Variants in MAP4K4 observed in about 807,000 individuals in gnomAD.
MAP4K4 encodes the protein HPK/GCK-like kinase HGK.
In MAP4K4, 38 loss-of-function variants were observed where a neutral mutation model predicts 189.6. The ratio of observed to expected loss-of-function variants is 0.20; its 90% CI spans 0.15 to 0.26. The LOEUF is 0.26. MAP4K4 is among the 10% of genes least tolerant of loss of function. The pLI, the probability that MAP4K4 is intolerant of heterozygous loss-of-function variation, is 1.00. For missense variants in MAP4K4, 1,054 were observed against 1,726.9 expected, an observed-to-expected ratio of 0.61 and a Z score of 6.91; for synonymous variants, 610 against 624.3, an observed-to-expected ratio of 0.98 and a Z score of 0.34.
At chr2:101,868,000 G>A (rs771918479) in intron 20 of MAP4K4, 29 bp from the exon 21 acceptor site, 11 of 1,612,686 alleles carry the variant, frequency 6.8e-6, no homozygotes, top group African/African-American at 1.3e-5. Context: ...ATGGCTTCTC[G>A]GACTCCACGA....
exon 33 of MAP4K4, chr2:101,893,882 A>G (rs2098598405): frequency 6.6e-6 from 1 of 152,260 alleles, no homozygotes; most frequent in African/African-American, 2.4e-5. Flanking sequence ...GGTGAACTGA[A>G]TTGAATCCAT....
At chr2:101,781,498 G>A (rs1335699384) in intron 2 of MAP4K4, among the ~76,000 whole-genome samples, 2 of 152,274 alleles carry the variant, frequency 1.3e-5, no homozygotes, top group Non-Finnish European at 2.9e-5. Context: ...TCTGGTGAAG[G>A]CCTTTTTGCT....
intron 2 of MAP4K4, among the ~76,000 whole-genome samples, chr2:101,786,028 G>GT (rs1345692112): frequency 2.0e-5 from 3 of 152,062 alleles, no homozygotes; most frequent in Non-Finnish European, 4.4e-5. Context: ...GTTTCACCAT[G>GT]TTGGCCAGGC....
chr2:101,869,824 G>A (rs1333088265), intron 22 of MAP4K4, 27 bp downstream of exon 22: 11 of 1,497,540 alleles, frequency 7.3e-6, no homozygotes, highest in Non-Finnish European at 9.8e-6. Flanking sequence ...TTTTAGAGCG[G>A]ATGAGAGTAT....
At chr2:101,750,152 A>G (rs1298615599) in intron 2 of MAP4K4, among the ~76,000 whole-genome samples, 13 of 149,558 alleles carry the variant, frequency 8.7e-5, no homozygotes, top group Non-Finnish European at 3.0e-5. Flanking sequence ...CAGCCATCCC[A>G]TTACTGGGTA....
chr2:101,744,471 A>G (rs959396261), intron 2 of MAP4K4, among the ~76,000 whole-genome samples: 1 of 152,118 alleles, frequency 6.6e-6, no homozygotes, highest in Non-Finnish European at 1.5e-5. Flanking sequence ...TGCTCTTTTT[A>G]CTACTTAATG....
chr2:101,872,414 G>A (rs1307961330), intron 24 of MAP4K4, among the ~76,000 whole-genome samples: 2 of 152,134 alleles, frequency 1.3e-5, no homozygotes, highest in Non-Finnish European at 2.9e-5. Flanking sequence ...GCTCGGTCTG[G>A]GTGTTAGCTC....
intron 2 of MAP4K4, among the ~76,000 whole-genome samples, chr2:101,713,612 A>T (rs924990156): frequency 2.7e-5 from 3 of 109,868 alleles, no homozygotes; most frequent in Non-Finnish European, 3.8e-5. Flanking sequence ...AAAAAAAAAA[A>T]TGCTGGGTGC....
intron 2 of MAP4K4, among the ~76,000 whole-genome samples, chr2:101,753,518 T>TGG (rs1170931027): frequency 6.6e-6 from 1 of 152,218 alleles, no homozygotes; most frequent in African/African-American, 2.4e-5. Context: ...GGTTCTGGAC[T>TGG]CTGAAAAATC....
At chr2:101,720,162 C>A (rs1180295532) in intron 2 of MAP4K4, among the ~76,000 whole-genome samples, 1 of 148,208 alleles carries the variant, frequency 6.7e-6, no homozygotes, top group Non-Finnish European at 1.5e-5. Context: ...TTTTTTGGGG[C>A]AGTGGTGGGT....
intron 2 of MAP4K4, among the ~76,000 whole-genome samples, chr2:101,747,284 A>G (rs1455189827): frequency 2.0e-5 from 3 of 151,828 alleles, no homozygotes; most frequent in African/African-American, 7.3e-5. Flanking sequence ...AGGCCCGGCT[A>G]ATTTTTGTAT....
intron 2 of MAP4K4, among the ~76,000 whole-genome samples, chr2:101,710,268 A>G (rs1207682960): frequency 2.6e-5 from 4 of 152,236 alleles, no homozygotes; most frequent in Admixed American, 2.6e-4. Context: ...TTCTAGGGCC[A>G]TTCCAGTTTG....
At chr2:101,747,086 C>A (rs2066001651) in intron 2 of MAP4K4, among the ~76,000 whole-genome samples, 2 of 152,192 alleles carry the variant, frequency 1.3e-5, no homozygotes, top group South Asian at 4.1e-4. Context: ...AGGGCTTCTC[C>A]TGTGACTGCT....
chr2:101,805,139 A>C (rs1348412653), intron 3 of MAP4K4, among the ~76,000 whole-genome samples: 4 of 151,962 alleles, frequency 2.6e-5, no homozygotes, highest in African/African-American at 9.7e-5. Flanking sequence ...GCATGCATAC[A>C]GAAAAGTACA....
rs192862421 is a variant in MAP4K4, at chr2:101,798,646, G to A, written c.180+7870G>A. Among the ~76,000 whole-genome samples the A allele has an allele frequency of 2.7e-3, 409 of 152,226 alleles. 3 individuals are homozygous for A. Among genetic ancestry groups the A allele is most frequent in the African/African-American group, 9.4e-3 (390 of 41,532 alleles). On this transcript the variant is annotated intron_variant, in intron 3 of 32. Transcript: ENST00000324219. Reference sequence around the variant, plus strand: ...GTATAGCAGTGGTATTCTGTATTTGGGTTTTAAAGTAGTGGTACCTAACAA... The same window carrying A: ...GTATAGCAGTGGTATTCTGTATTTGAGTTTTAAAGTAGTGGTACCTAACAA...
At chr2:101,762,143 A>C (rs2150190147) in intron 2 of MAP4K4, among the ~76,000 whole-genome samples, 1 of 152,300 alleles carries the variant, frequency 6.6e-6, no homozygotes, top group South Asian at 2.1e-4. Context: ...ACTTTTAGTT[A>C]AGCATTCAGT....
intron 2 of MAP4K4, among the ~76,000 whole-genome samples, chr2:101,712,822 A>G (rs1239507814): frequency 1.3e-5 from 2 of 151,810 alleles, no homozygotes; most frequent in African/African-American, 4.8e-5. Flanking sequence ...GAGGAATATC[A>G]AAGATCCTGG....
At chr2:101,824,121 T>A (rs868544173) in intron 4 of MAP4K4, 68 bp downstream of exon 4, 3 of 21,378 alleles carry the variant, frequency 1.4e-4, no homozygotes, top group African/African-American at 8.5e-4. Flanking sequence ...ATGGCGGGGG[T>A]GGGGGCGGGG....
At chr2:101,855,669 T>C (rs951114825) in intron 12 of MAP4K4, among the ~76,000 whole-genome samples, 3 of 152,218 alleles carry the variant, frequency 2.0e-5, no homozygotes, top group Non-Finnish European at 4.4e-5. Flanking sequence ...CTGTTAATGA[T>C]ATCCACGAAT....
Sources: allele counts gnomAD v4.1 joint callset (sites outside exome capture counted in the v4.1 genomes callset), GRCh38; gene constraint gnomAD v4.1.1; transcripts MANE v1.5; gene names NCBI Gene and HGNC (gene_info 2026-07-23, HGNC 2026-07-21).